GALNT18: variants seen among roughly 807,000 people sequenced by gnomAD.
The protein encoded by GALNT18 is GalNAc-transferase 18.
GALNT18 carries 44 observed loss-of-function variants against 69.5 expected under a neutral mutation model. That is an observed-to-expected ratio of 0.63 (90% CI 0.50 to 0.81). The LOEUF (loss-of-function observed/expected upper bound fraction) is 0.81, where lower values mean the gene tolerates loss of function less well. Ranked by LOEUF, GALNT18 falls within the 40% of genes least tolerant of loss-of-function variation. The pLI is 0.00. For missense variants in GALNT18, 715 were observed against 810.0 expected (o/e 0.88, Z 1.42); for synonymous variants, 364 against 318.2 (o/e 1.14, Z -1.53).
intron 1 of GALNT18, among the ~76,000 whole-genome samples, chr11:11,451,276 T>C (rs1462945991): frequency 6.6e-6 from 1 of 152,104 alleles, no homozygotes; most frequent in African/African-American, 2.4e-5. Flanking sequence ...TGGGGGGTAG[T>C]AAAAATCTAA....
At chr11:11,393,526 G>A (rs1429516904) in intron 3 of GALNT18, among the ~76,000 whole-genome samples, 1 of 152,256 alleles carries the variant, frequency 6.6e-6, no homozygotes, top group East Asian at 1.9e-4. Flanking sequence ...TCTAGGCCCC[G>A]GCCCAGGCCA....
intron 1 of GALNT18, among the ~76,000 whole-genome samples, chr11:11,610,558 C>T (rs1859870475): frequency 6.6e-6 from 1 of 151,984 alleles, no homozygotes; most frequent in Admixed American, 6.6e-5. Context: ...TTTTCCCATT[C>T]TTGATTGATT....
At chr11:11,551,285 T>C (rs1858182458) in intron 1 of GALNT18, among the ~76,000 whole-genome samples, 1 of 152,182 alleles carries the variant, frequency 6.6e-6, no homozygotes, top group Admixed American at 6.5e-5. Flanking sequence ...TTTTTTTTCT[T>C]ATGCAACAGA....
chr11:11,511,283 G>A lies in GALNT18; in HGVS notation c.236-62347C>T, dbSNP rs1409378861. 6.6e-6 allele frequency among the ~76,000 whole-genome samples: 1 copy of A among 152,164 alleles called. No homozygotes were observed. Among genetic ancestry groups the A allele is most frequent in the East Asian group, 1.9e-4 (1 of 5,184 alleles). ...GAAGGGACCGGCTGTCCAGCTTCAC[G>A]CAGGGAGGGCTCCTTGAAGCTAATT... is the stretch of plus-strand genomic sequence containing the variant. On this transcript the variant is annotated intron_variant, in intron 1 of 10. Coordinates refer to ENST00000227756, the MANE Select transcript of GALNT18 (RefSeq NM_198516.3). The surrounding 1 kb of genome is among the most constrained non-coding windows in gnomAD (Gnocchi z 4.9).
chr11:11,472,511 A>T (rs1856294525), intron 1 of GALNT18, among the ~76,000 whole-genome samples: 1 of 152,176 alleles, frequency 6.6e-6, no homozygotes, highest in South Asian at 2.1e-4. Flanking sequence ...GATGATGATT[A>T]TTCATTCTGT....
intron 10 of GALNT18, 121 bp downstream of exon 10, chr11:11,292,908 A>G: frequency 4.6e-6 from 4 of 875,752 alleles, no homozygotes; most frequent in Non-Finnish European, 4.8e-6. Flanking sequence ...CCACAGCCTC[A>G]CTACTGCCAG....
chr11:11,443,771 AGAG>A (rs1412439152), intron 2 of GALNT18, among the ~76,000 whole-genome samples: 1 of 152,240 alleles, frequency 6.6e-6, no homozygotes, highest in Admixed American at 6.5e-5. Context: ...AGGCTTCACC[AGAG>A]GAGTCTGAAG....
intron 1 of GALNT18, among the ~76,000 whole-genome samples, chr11:11,482,326 C>T (rs1856549078): frequency 6.6e-6 from 1 of 152,260 alleles, no homozygotes; most frequent in Non-Finnish European, 1.5e-5. Flanking sequence ...TAGAGCTGTG[C>T]TCTTCACACT....
At chr11:11,550,692 C>G (rs1020888162) in intron 1 of GALNT18, among the ~76,000 whole-genome samples, 1 of 152,228 alleles carries the variant, frequency 6.6e-6, no homozygotes, top group Non-Finnish European at 1.5e-5. Flanking sequence ...TCCAACAGAA[C>G]TTTCCGCAAT....
intron 5 of GALNT18, among the ~76,000 whole-genome samples, chr11:11,374,774 T>G (rs1011804081): frequency 2.6e-5 from 4 of 152,206 alleles, no homozygotes; most frequent in Non-Finnish European, 5.9e-5. Context: ...TAGAGAACCA[T>G]AAATAGATAA....
At position 11,435,573 on chromosome 11, in the gene GALNT18, C is replaced by G. The variant is rs558399274; in HGVS notation, c.429-2786G>C. 4.6e-5 allele frequency among the ~76,000 whole-genome samples: 7 copies of G among 152,278 alleles called. No individual in the cohort carries two copies. The highest frequency in any genetic ancestry group is 2.6e-4 in the Admixed American group (4 of 15,306). On this transcript the variant is annotated intron_variant, in intron 2 of 10. Transcript: ENST00000227756. The surrounding 1 kb of genome is among the most constrained non-coding windows in gnomAD (Gnocchi z 4.4). ...TGCCCCTCTCTACTAGAATGAAGCC[C>G]CCTGAGAGCAGGAACTTTGCTTTTG...
Position 11,271,113 on chromosome 11 carries a change from CAA to C in GALNT18, c.*29_*30del. 3.1e-6 allele frequency: 5 copies of C among 1,599,474 alleles called. No individual in the cohort carries two copies. The highest frequency in any genetic ancestry group is 4.3e-6 in the Non-Finnish European group (5 of 1,169,334). ...CGTTGCAGCAGGTGCTACACAGTAG[CAA>C]AGAGGCAGCCGGAAGTGGCCCCGGT... On this transcript the variant is annotated 3_prime_UTR_variant, in exon 11 of 11. Coordinates refer to ENST00000227756, the MANE Select transcript of GALNT18 (RefSeq NM_198516.3).
chr11:11,461,091 G>A lies in GALNT18; in HGVS notation c.236-12155C>T, dbSNP rs1170029993. ...CAGTTCAGTCCGGGCTGACATGGCA[G>A]ACAAAGGACAGGAAGACATCTGACT... On this transcript the variant is annotated intron_variant, in intron 1 of 10. Coordinates refer to ENST00000227756, the MANE Select transcript of GALNT18 (RefSeq NM_198516.3). This position sits in a 1 kb window ranked among gnomAD's most constrained non-coding sequence, Gnocchi z 4.1. Among the ~76,000 whole-genome samples, 1 of 152,158 alleles carries A rather than the reference G, an allele frequency of 6.6e-6. No individual in the cohort carries two copies. The highest frequency in any genetic ancestry group is 1.5e-5 in the Non-Finnish European group (1 of 68,032).
chr11:11,505,467 C>T lies in GALNT18; in HGVS notation c.236-56531G>A, dbSNP rs1857051863. Among the ~76,000 whole-genome samples, 1 of 152,132 alleles carries T rather than the reference C, an allele frequency of 6.6e-6. No homozygotes were observed. Among genetic ancestry groups the T allele is most frequent in the African/African-American group, 2.4e-5 (1 of 41,430 alleles). On this transcript the variant is annotated intron_variant, in intron 1 of 10. Transcript: ENST00000227756. This position sits in a 1 kb window ranked among gnomAD's most constrained non-coding sequence, Gnocchi z 4.6. ...TCAATCACAGCACTCTCTCCAGTGT[C>T]ACCCAGAAACAACCTGCTCAGCAAA...
At chr11:11,467,264 T>G (rs532767183) in intron 1 of GALNT18, among the ~76,000 whole-genome samples, 1 of 152,304 alleles carries the variant, frequency 6.6e-6, no homozygotes, top group Admixed American at 6.5e-5. Flanking sequence ...CTATAGCAAC[T>G]ACTACATCAG....
intron 1 of GALNT18, among the ~76,000 whole-genome samples, chr11:11,464,082 G>A (rs1363758334): frequency 2.0e-5 from 3 of 152,186 alleles, no homozygotes; most frequent in Non-Finnish European, 4.4e-5. Context: ...TGTAGTGAAT[G>A]GGGTCCCAAG....
intron 1 of GALNT18, among the ~76,000 whole-genome samples, chr11:11,456,398 C>A (rs541655849): frequency 6.6e-6 from 1 of 152,354 alleles, no homozygotes; most frequent in East Asian, 1.9e-4. Context: ...GGAGGCTACT[C>A]ACTTGGTCTG....
At chr11:11,334,826 C>G (rs12270405) in intron 7 of GALNT18, among the ~76,000 whole-genome samples, 43 of 152,298 alleles carry the variant, frequency 2.8e-4, no homozygotes, top group African/African-American at 9.1e-4. Context: ...AGACTCACCT[C>G]TGTGCCCCCA....
chr11:11,621,353 C>T lies in GALNT18; in HGVS notation c.235+6G>A. ...TGGGCGACCCAAGTTTCCGGGGCGC[C>T]CGTACCTTGAATGTGCTGCTTGATG... On this transcript the variant is annotated splice_donor_region_variant and intron_variant, in intron 1 of 10. Coordinates refer to ENST00000227756, the MANE Select transcript of GALNT18 (RefSeq NM_198516.3). This position sits in a 1 kb window ranked among gnomAD's most constrained non-coding sequence, Gnocchi z 9.3. 6.2e-7 allele frequency: 1 copy of T among 1,612,542 alleles called. No homozygotes were observed. Among genetic ancestry groups the T allele is most frequent in the Non-Finnish European group, 8.5e-7 (1 of 1,178,946 alleles).
Sources: gnomAD v4.1 joint callset for allele counts (sites outside exome capture counted in the v4.1 genomes callset) on GRCh38, gnomAD v4.1.1 for gene constraint, Gnocchi (gnomAD v3.1) non-coding constraint, MANE v1.5 for transcripts, NCBI Gene and HGNC (gene_info 2026-07-23, HGNC 2026-07-21) for gene names.